The following SHISA7 variants were observed in gnomAD, a reference collection of about 807,000 sequenced individuals.
SHISA7 encodes the protein protein shisa-7.
Under a neutral mutation model 23.9 loss-of-function variants are expected in SHISA7, and 6 were observed. That is an observed-to-expected ratio of 0.25 (90% CI 0.14 to 0.50). The LOEUF is 0.50. Ranked by LOEUF, SHISA7 falls within the 20% of genes least tolerant of loss-of-function variation. The probability of loss-of-function intolerance (pLI) is 0.98; values close to 1 mark genes in which losing one functional copy is unlikely to be tolerated. For missense variants in SHISA7, 671 were observed against 801.1 expected (o/e 0.84, Z 1.96); for synonymous variants, 386 against 398.3 (o/e 0.97, Z 0.37).
intron 3 of SHISA7, among the ~76,000 whole-genome samples, chr19:55,434,186 A>T (rs1985293834): frequency 6.6e-6 from 1 of 152,202 alleles, no homozygotes; most frequent in Admixed American, 6.5e-5. Context: ...AGAACAGAAG[A>T]GAAAACTATC....
chr19:55,441,998 A>C lies in SHISA7; in HGVS notation c.671+195T>G, dbSNP rs141475212. 4.5e-3 allele frequency among the ~76,000 whole-genome samples: 679 copies of C among 152,294 alleles called. 1 individual carries two copies. The highest frequency in any genetic ancestry group is 7.7e-3 in the Non-Finnish European group (525 of 68,018). ...AGTCTGGGCTTCTCCCTCTCCCTGC[A>C]TCACTCCGCAACAGCCGGGCCGGCT... On this transcript the variant is annotated intron_variant, in intron 1 of 3. Transcript: ENST00000376325.
chr19:55,435,608 A>AG (rs1376749434), intron 3 of SHISA7, among the ~76,000 whole-genome samples: 3 of 150,022 alleles, frequency 2.0e-5, no homozygotes, highest in African/African-American at 7.4e-5. Context: ...AAAAAAAAAA[A>AG]AAAAAATTAG....
Position 55,443,300 on chromosome 19 carries a change from C to T in SHISA7, c.-437G>A, listed in dbSNP as rs999788167. 2.3e-5 allele frequency among the ~76,000 whole-genome samples: 3 copies of T among 130,706 alleles called. No individual in the cohort carries two copies. The highest frequency in any genetic ancestry group is 4.8e-5 in the Non-Finnish European group (3 of 62,444). The allele number at this position is 130,706 out of a possible 152,430, so 85.7% of individuals were successfully genotyped here. On this transcript the variant is annotated 5_prime_UTR_variant, in exon 1 of 4. Coordinates refer to ENST00000376325, the MANE Select transcript of SHISA7 (RefSeq NM_001145176.2). Reference sequence around the variant, plus strand: ...ATGTAAGGAGAAGAAACGGGGGCGGCGAAGAGGAGAGGGCAGGGGAGGCAG... The same window carrying T: ...ATGTAAGGAGAAGAAACGGGGGCGGTGAAGAGGAGAGGGCAGGGGAGGCAG...
chr19:55,442,416 C>T lies in SHISA7; in HGVS notation c.448G>A (p.Ala150Thr). ...PPPLAGGAGGAGGAGGGPGPG... is the reference protein window; with the variant it reads ...PPPLAGGAGGTGGAGGGPGPG... ...CCTGGCCCCCCGCCCGCACCCCCAG[C>T]GCCCCCGGCGCCCCCAGCTAGCGGC... Residue 150 changes from alanine (A) to threonine (T), a missense_variant, in exon 1 of 4, where the codon GCT becomes ACT. Physicochemically the swap from Ala to Thr is moderately conservative, Grantham distance 58 (BLOSUM62 0). This residue lies in a region of SHISA7 where 59 missense variants were observed against 57.2 expected (regional missense o/e 1.03). Coordinates refer to ENST00000376325, the MANE Select transcript of SHISA7 (RefSeq NM_001145176.2). 7.1e-7 allele frequency: 1 copy of T among 1,404,360 alleles called. No individual in the cohort carries two copies. Among genetic ancestry groups the T allele is most frequent in the Non-Finnish European group, 9.3e-7 (1 of 1,076,952 alleles). The allele number at this position is 1,404,360 out of a possible 1,614,324, so 87.0% of individuals were successfully genotyped here. A position where few individuals can be genotyped will look rare whatever the true frequency, so the allele number is the denominator to read the frequency against.
chr19:55,441,885 C>G (rs763152265), intron 1 of SHISA7, among the ~76,000 whole-genome samples: 8 of 152,258 alleles, frequency 5.3e-5, no homozygotes, highest in African/African-American at 9.6e-5. Flanking sequence ...GCTTTTCCAC[C>G]AGGGCAGAGA....
At chr19:55,434,435 G>T (rs1300661965) in intron 3 of SHISA7, among the ~76,000 whole-genome samples, 12 of 126,498 alleles carry the variant, frequency 9.5e-5, no homozygotes, top group East Asian at 2.5e-4. Context: ...GTGTGTGTGT[G>T]GTGTGTGTGT....
chr19:55,440,695 G>C lies in SHISA7; in HGVS notation c.742C>G (p.Leu248Val), dbSNP rs200227335. Residue 248 changes from leucine to valine, a missense_variant, in exon 2 of 4, where the codon CTG (leucine) becomes GTG (valine). Leu to Val is a conservative substitution (Grantham distance 32, BLOSUM62 1). Transcript: ENST00000376325. Reference sequence around the variant, plus strand: ...TCGGGACCGCCGATCCCCGGGGTCAGGGAGCTGCTTCGGGCCCGGTCCGGG... The same window carrying C: ...TCGGGACCGCCGATCCCCGGGGTCACGGAGCTGCTTCGGGCCCGGTCCGGG... The part of the protein sequence containing the change: ...TRPDRARSSS[L>V]TPGIGGPDSM... 7.4e-5 allele frequency: 92 copies of C among 1,249,454 alleles called. No individual in the cohort carries two copies. Among genetic ancestry groups the C allele is most frequent in the Non-Finnish European group, 9.0e-5 (89 of 988,436 alleles). 77.4% of individuals were successfully genotyped at this position (1,249,454 alleles called of 1,614,324 possible).
rs1250733136 is a variant in SHISA7 at position 55,433,122 on chromosome 19, G to A, written c.*34C>T. The stretch of plus-strand genomic sequence containing the variant: ...GGATCCAGGCTGGGACGGGGGGCCC[G>A]GGAGGCCGCAGCCCCCCAGACCCGG... On this transcript the variant is annotated 3_prime_UTR_variant, in exon 4 of 4. Transcript: ENST00000376325. This position sits in a 1 kb window ranked among gnomAD's most constrained non-coding sequence, Gnocchi z 8.4. The A allele has an allele frequency of 2.7e-6, 4 of 1,498,846 alleles. No individual in the cohort carries two copies. Among genetic ancestry groups the A allele is most frequent in the Admixed American group, 4.3e-5 (2 of 47,058 alleles). The allele number at this position is 1,498,846 out of a possible 1,614,324, so 92.8% of individuals were successfully genotyped here.
chr19:55,434,838 G>GT (rs1568450614), intron 3 of SHISA7, among the ~76,000 whole-genome samples: 10 of 104,964 alleles, frequency 9.5e-5, no homozygotes, highest in Non-Finnish European at 1.3e-4. Context: ...TGTGGTGTGT[G>GT]GTGTGTGTGT....
At chr19:55,441,878 T>C (rs1985605416) in intron 1 of SHISA7, among the ~76,000 whole-genome samples, 1 of 152,202 alleles carries the variant, frequency 6.6e-6, no homozygotes, top group African/African-American at 2.4e-5. Context: ...AAGTCAGGCT[T>C]TTCCACCAGG....
chr19:55,440,864 C>T (rs767043122), intron 1 of SHISA7, 99 bp from the exon 2 acceptor site: 7 of 1,140,772 alleles, frequency 6.1e-6, no homozygotes, highest in Admixed American at 4.2e-5. Flanking sequence ...CTTGGGTAAT[C>T]TGTCACTCAG....
intron 2 of SHISA7, among the ~76,000 whole-genome samples, chr19:55,438,950 G>A (rs1397064832): frequency 6.6e-6 from 1 of 152,068 alleles, no homozygotes; most frequent in Non-Finnish European, 1.5e-5. Flanking sequence ...ATGTCCACTT[G>A]GTTCCTTCTG....
In SHISA7 at chr19:55,442,232, G is replaced by A. The variant is rs1166812459; in HGVS notation, c.632C>T (p.Ser211Phe). The A allele has an allele frequency of 1.3e-6, 2 of 1,534,182 alleles. No individual in the cohort carries two copies. Among genetic ancestry groups the A allele is most frequent in the Non-Finnish European group, 1.7e-6 (2 of 1,145,970 alleles). ...ATCCCGGTGCGCCCGGGGCGCACGG[G>A]ACGCCTTGCTGAAGGCCACTTTGGC... ...VGAKVAFSKA[S>F]RAPRAHRDIN... Residue 211 changes from serine (S) to phenylalanine (F), a missense_variant, in exon 1 of 4, where the codon TCC (serine) becomes TTC (phenylalanine). Ser to Phe is a radical substitution (Grantham distance 155). Coordinates refer to ENST00000376325, the MANE Select transcript of SHISA7 (RefSeq NM_001145176.2).
At chr19:55,437,890 G>C in intron 2 of SHISA7, 136 bp from the exon 3 acceptor site, 1 of 1,089,356 alleles carries the variant, frequency 9.2e-7, no homozygotes, top group East Asian at 2.9e-5. Context: ...AGGAGTGCAG[G>C]CCCCCAGCCC....
Position 55,440,757 on chromosome 19 carries a change from A to G in SHISA7, c.680T>C (p.Val227Ala). 1.6e-6 allele frequency: 2 copies of G among 1,243,700 alleles called. No homozygotes were observed. Among genetic ancestry groups the G allele is most frequent in the Non-Finnish European group, 2.0e-6 (2 of 988,150 alleles). 77.0% of individuals were successfully genotyped at this position (1,243,700 alleles called of 1,614,324 possible). Residue 227 changes from valine (V) to alanine (A), a missense_variant, in exon 2 of 4, where the codon GTG becomes GCG. Physicochemically the swap from Val to Ala is moderately conservative, Grantham distance 64 (BLOSUM62 0). This residue lies in a region of SHISA7 where 457 missense variants were observed against 488.3 expected (regional missense o/e 0.94). Transcript: ENST00000376325. ...HRDINVPRAL[V>A]DILRHQAGPG... ...CCCCGCCTGATGTCTCAGAATGTCCACCAGAGCTCTAAAGGTGGCAGAGAG... is the reference window on the plus strand; with the variant it reads ...CCCCGCCTGATGTCTCAGAATGTCCGCCAGAGCTCTAAAGGTGGCAGAGAG...
chr19:55,436,148 G>A (rs866112431), intron 3 of SHISA7, among the ~76,000 whole-genome samples: 1 of 151,648 alleles, frequency 6.6e-6, no homozygotes, highest in Non-Finnish European at 1.5e-5. Flanking sequence ...TTAGCCAGGA[G>A]TGGTGGCATG....
chr19:55,435,246 G>A (rs1375133326), intron 3 of SHISA7, among the ~76,000 whole-genome samples: 1 of 130,004 alleles, frequency 7.7e-6, no homozygotes, highest in Non-Finnish European at 1.6e-5. Flanking sequence ...GCGTGTGTGC[G>A]TGTGTGTGGT....
rs916358604 is a variant in SHISA7 at position 55,432,942 on chromosome 19, C to T, written c.*214G>A. The stretch of plus-strand genomic sequence containing the variant: ...TGACCTCATGAGCCGGCCTCTTCCT[C>T]TGGGATGACATCATGGGAAGGAGGC... On this transcript the variant is annotated 3_prime_UTR_variant, in exon 4 of 4. Coordinates refer to ENST00000376325, the MANE Select transcript of SHISA7 (RefSeq NM_001145176.2). The surrounding 1 kb of genome is among the most constrained non-coding windows in gnomAD (Gnocchi z 4.6). The T allele has an allele frequency of 1.7e-6, 1 of 593,272 alleles. No individual in the cohort carries two copies. Among genetic ancestry groups the T allele is most frequent in the East Asian group, 3.5e-5 (1 of 28,210 alleles). The allele number at this position is 593,272 out of a possible 1,614,324, so 36.8% of individuals were successfully genotyped here. A position where few individuals can be genotyped will look rare whatever the true frequency, so the allele number is the denominator to read the frequency against.
intron 3 of SHISA7, among the ~76,000 whole-genome samples, chr19:55,436,619 A>AG (rs1985468603): frequency 6.6e-6 from 1 of 151,660 alleles, no homozygotes; most frequent in African/African-American, 2.4e-5. Flanking sequence ...AAAAAAAAAA[A>AG]AGTTTCTGGC....
Sources: gnomAD v4.1 joint callset for allele counts (sites outside exome capture counted in the v4.1 genomes callset) on GRCh38, gnomAD v4.1.1 for gene constraint, gnomAD v4.1.1 regional missense constraint, Gnocchi (gnomAD v3.1) non-coding constraint, MANE v1.5 for transcripts, NCBI Gene and HGNC (gene_info 2026-07-23, HGNC 2026-07-21) for gene names.